CSPP1: variants seen among roughly 807,000 people sequenced by gnomAD.
CSPP1 encodes the protein centrosome and spindle pole-associated protein 1.
CSPP1 carries 126 observed loss-of-function variants against 164.4 expected under a neutral mutation model. The ratio of observed to expected loss-of-function variants is 0.77; its 90% confidence interval spans 0.66 to 0.89. The LOEUF (loss-of-function observed/expected upper bound fraction) is 0.89, where lower values mean the gene tolerates loss of function less well. CSPP1 is among the 40% of genes least tolerant of loss of function. The probability of loss-of-function intolerance (pLI) is 0.00; values close to 1 mark genes in which losing one functional copy is unlikely to be tolerated. For synonymous variants in CSPP1, 472 were observed against 476.7 expected, an observed-to-expected ratio of 0.99 and a Z score of 0.13; for missense variants, 1,395 against 1,449.8, an observed-to-expected ratio of 0.96 and a Z score of 0.61.
rs553075838 is a variant in CSPP1 at position 67,152,942 on chromosome 8, A to G, written c.2129-1082A>G. On this transcript the variant is annotated intron_variant, in intron 18 of 30. Transcript: ENST00000678616. ...GCTGGGCACGCTGGCTCACGCCTGT[A>G]ATCCCAGCACTTTTGGAGGCCGAGG... Among the ~76,000 whole-genome samples, 7 of 152,320 alleles carry G rather than the reference A, an allele frequency of 4.6e-5. No homozygotes were observed. The South Asian group carries it at 1.5e-3, about 32-fold the overall frequency.
chr8:67,120,229 T>C (rs1298936441), intron 15 of CSPP1, among the ~76,000 whole-genome samples: 3 of 152,218 alleles, frequency 2.0e-5, no homozygotes, highest in African/African-American at 7.2e-5. Flanking sequence ...TTGGTGTGTA[T>C]GTCTTCCTTT....
In CSPP1 at chr8:67,137,385, T is replaced by G. The variant is rs867512207; in HGVS notation, c.1828-71T>G. 7.1e-6 allele frequency: 8 copies of G among 1,126,374 alleles called. No individual in the cohort carries two copies. In the Middle Eastern group the frequency reaches 1.5e-3, roughly 206 times the overall value. 69.8% of individuals were successfully genotyped at this position (1,126,374 alleles called of 1,614,324 possible). A position where few individuals can be genotyped will look rare whatever the true frequency, so the allele number is the denominator to read the frequency against. ...TTGTTTTCTAATACAAAAAATAACA[T>G]CTGGTATTACTAACTTCTTGTATCA... On this transcript the variant is annotated intron_variant, in intron 16 of 30. Coordinates refer to ENST00000678616, the MANE Select transcript of CSPP1 (RefSeq NM_001382391.1).
Position 67,076,465 on chromosome 8 carries a change from C to A in CSPP1, c.100-17C>A. On this transcript the variant is annotated splice_polypyrimidine_tract_variant and intron_variant, in intron 2 of 30. Coordinates refer to ENST00000678616, the MANE Select transcript of CSPP1 (RefSeq NM_001382391.1). ...TTTTTTTTCCTCTTGCTTTTGTAAACATTATGTCTCTTTCAGGGAAAGTTG... is the reference window on the plus strand; with the variant it reads ...TTTTTTTTCCTCTTGCTTTTGTAAAAATTATGTCTCTTTCAGGGAAAGTTG... 1 of 1,442,482 alleles carries A rather than the reference C, an allele frequency of 6.9e-7. No homozygotes were observed. Among genetic ancestry groups the A allele is most frequent in the Non-Finnish European group, 9.5e-7 (1 of 1,054,552 alleles). 89.4% of individuals were successfully genotyped at this position (1,442,482 alleles called of 1,614,324 possible).
chr8:67,094,678 C>T (rs1563537423), intron 6 of CSPP1, among the ~76,000 whole-genome samples: 1 of 152,066 alleles, frequency 6.6e-6, no homozygotes, highest in Non-Finnish European at 1.5e-5. Context: ...ATCCACTGGC[C>T]TCCACCTAGA....
rs1378298538 is a variant in CSPP1 at position 67,193,593 on chromosome 8, A to G, written c.3460A>G (p.Ile1154Val). ...ACTGAATGAATTTCACAATAAACCTATTAATACAGGTAAATGACCAAGTGT... is the reference window on the plus strand; with the variant it reads ...ACTGAATGAATTTCACAATAAACCTGTTAATACAGGTAAATGACCAAGTGT... ...RRLNEFHNKPINTDDESSLVD... is the reference protein window; with the variant it reads ...RRLNEFHNKPVNTDDESSLVD... The change falls in exon 30 of 31, where the codon ATT (isoleucine) becomes GTT (valine). Residue 1154 changes from isoleucine to valine, a missense_variant. By Grantham distance (29) the Ile-to-Val change is conservative (BLOSUM62 3). Transcript: ENST00000678616. The G allele has an allele frequency of 6.2e-6, 10 of 1,613,184 alleles. No homozygotes were observed. In the Admixed American group the frequency reaches 1.2e-4, roughly 19 times the overall value.
intron 18 of CSPP1, among the ~76,000 whole-genome samples, chr8:67,152,070 G>C (rs1825804062): frequency 7.5e-6 from 1 of 133,868 alleles, no homozygotes; most frequent in African/African-American, 2.9e-5. Context: ...CCTGGTGACA[G>C]AGTGAGACTC....
chr8:67,180,302 C>A (rs927916227), intron 28 of CSPP1, among the ~76,000 whole-genome samples: 1 of 152,180 alleles, frequency 6.6e-6, no homozygotes, highest in African/African-American at 2.4e-5. Flanking sequence ...GATGACTCTT[C>A]AGGGAAATAG....
chr8:67,162,401 C>A (rs1465620983), intron 22 of CSPP1, among the ~76,000 whole-genome samples: 2 of 152,132 alleles, frequency 1.3e-5, no homozygotes, highest in African/African-American at 4.8e-5. Flanking sequence ...AGGTGGAGGT[C>A]AGAACATGTG....
At chr8:67,100,318 T>G (rs1440925717) in intron 7 of CSPP1, among the ~76,000 whole-genome samples, 1 of 152,134 alleles carries the variant, frequency 6.6e-6, no homozygotes, top group African/African-American at 2.4e-5. Context: ...CCTCTTGTGT[T>G]TATGGTGTTT....
At chr8:67,193,746 T>C (rs1165084384) in intron 30 of CSPP1, 144 bp downstream of exon 30, 19 of 603,492 alleles carry the variant, frequency 3.1e-5, no homozygotes, top group Non-Finnish European at 4.6e-5. Flanking sequence ...ATAGTAACTA[T>C]TGAGCAAAAC....
At position 67,195,527 on chromosome 8, in the gene CSPP1, G is replaced by C. The variant is rs750186693; in HGVS notation, c.3615G>C (p.Glu1205Asp). 6.2e-7 allele frequency: 1 copy of C among 1,614,204 alleles called. No individual in the cohort carries two copies. Among genetic ancestry groups the C allele is most frequent in the East Asian group, 2.2e-5 (1 of 44,874 alleles). Residue 1205 changes from glutamate (E) to aspartate (D), a missense_variant, in exon 31 of 31, where the codon GAG (glutamate) becomes GAC (aspartate). Coordinates refer to ENST00000678616, the MANE Select transcript of CSPP1 (RefSeq NM_001382391.1). ...TCATGGCAGAGCAGCTGAACCAGGA[G>C]CAGCAGCAGATTCCTGGAAAACCAG... The part of the protein sequence containing the change: ...KRFMAEQLNQ[E>D]QQQIPGKPGT...
intron 28 of CSPP1, among the ~76,000 whole-genome samples, chr8:67,181,764 T>C (rs1198178235): frequency 6.6e-6 from 1 of 152,220 alleles, no homozygotes; most frequent in African/African-American, 2.4e-5. Context: ...CAACCACCAC[T>C]ATCATCCATC....
At chr8:67,121,600 G>A (rs954635711) in intron 15 of CSPP1, among the ~76,000 whole-genome samples, 2 of 152,088 alleles carry the variant, frequency 1.3e-5, no homozygotes, top group Non-Finnish European at 2.9e-5. Flanking sequence ...TTTTGCATCA[G>A]TGTTCATATG....
intron 28 of CSPP1, among the ~76,000 whole-genome samples, chr8:67,182,653 T>C (rs1425900648): frequency 6.6e-6 from 1 of 152,248 alleles, no homozygotes; most frequent in Non-Finnish European, 1.5e-5. Flanking sequence ...CTTGTTACTT[T>C]GTTTTTTGAA....
Position 67,163,226 on chromosome 8 carries a change from G to C in CSPP1, c.2644-506G>C, listed in dbSNP as rs576656217. Among the ~76,000 whole-genome samples the C allele has an allele frequency of 1.6e-3, 237 of 152,222 alleles. 1 individual carries two copies. The highest frequency in any genetic ancestry group is 5.6e-3 in the African/African-American group (231 of 41,534). On this transcript the variant is annotated intron_variant, in intron 22 of 30. Transcript: ENST00000678616. The stretch of plus-strand genomic sequence containing the variant: ...AGGCCATAGCTGTGTGTTGAGAAGT[G>C]AATGAGAGTAGGCAGTAGACCCAAA...
intron 3 of CSPP1, among the ~76,000 whole-genome samples, chr8:67,085,557 T>C (rs1810218013): frequency 6.6e-6 from 1 of 152,094 alleles, no homozygotes; most frequent in Non-Finnish European, 1.5e-5. Flanking sequence ...AGTGTATAAT[T>C]AAGTGAAGAT....
At chr8:67,177,414 C>G (rs1160100403) in intron 26 of CSPP1, among the ~76,000 whole-genome samples, 2 of 152,128 alleles carry the variant, frequency 1.3e-5, no homozygotes, top group Non-Finnish European at 2.9e-5. Context: ...CTGCATTGAT[C>G]ATTTTCTTTT....
chr8:67,130,742 C>A (rs535807341), intron 15 of CSPP1, among the ~76,000 whole-genome samples: 1 of 152,218 alleles, frequency 6.6e-6, no homozygotes, highest in Admixed American at 6.5e-5. Flanking sequence ...AATCCCAGCA[C>A]TTTGGGAGGC....
chr8:67,157,719 C>T (rs1014519101), intron 19 of CSPP1: 6 of 152,220 alleles, frequency 3.9e-5, no homozygotes, highest in African/African-American at 1.4e-4. Context: ...ATACCTGGTT[C>T]CCATGCTGCT....
Sources: allele counts gnomAD v4.1 joint callset (sites outside exome capture counted in the v4.1 genomes callset), GRCh38; gene constraint gnomAD v4.1.1; transcripts MANE v1.5; gene names NCBI Gene and HGNC (gene_info 2026-07-23, HGNC 2026-07-21).